Variants in ZNF268 observed in about 807,000 individuals in gnomAD.
ZNF268 encodes zinc finger protein 268, also known as zinc finger protein 3.
In ZNF268, 20 loss-of-function variants were observed where a neutral mutation model predicts 29.3. The ratio of observed to expected loss-of-function variants is 0.68; its 90% CI spans 0.48 to 0.99. The LOEUF (loss-of-function observed/expected upper bound fraction) is 0.99. ZNF268 is among the 50% of genes least tolerant of loss of function. ZNF268 has a pLI of 0.00. For missense variants in ZNF268, 1,240 were observed against 1,121.6 expected (o/e 1.11, Z -1.51); for synonymous variants, 429 against 376.9 (o/e 1.14, Z -1.60).
rs1190261073 is a variant in ZNF268 at position 133,208,003 on chromosome 12, C to G, written c.*3473C>G. The G allele has an allele frequency of 6.6e-6, 1 of 152,178 alleles. No homozygotes were observed. The highest frequency in any genetic ancestry group is 1.5e-5 in the Non-Finnish European group (1 of 68,020). The allele number at this position is 152,178 out of a possible 1,614,324, so 9.4% of individuals were successfully genotyped here. ...TGTAACTTGGTAGGGAATATATGTT[C>G]TGAAAACACAAATGTCATACTTAAT... On this transcript the variant is annotated 3_prime_UTR_variant, in exon 6 of 6. Coordinates refer to ENST00000536435, the MANE Select transcript of ZNF268 (RefSeq NM_003415.3).
chr12:133,202,799 G>C lies in ZNF268; in HGVS notation c.1113G>C (p.Arg371Ser). Residue 371 changes from arginine (R) to serine (S), a missense_variant, in exon 6 of 6, where the codon AGG becomes AGC. Coordinates refer to ENST00000536435, the MANE Select transcript of ZNF268 (RefSeq NM_003415.3). ...ECCECGKVFSRKDQLVSHQKT... is the reference protein window; with the variant it reads ...ECCECGKVFSSKDQLVSHQKT... Reference sequence around the variant, plus strand: ...GTGAATGTGGGAAAGTCTTCAGTAGGAAAGACCAGCTTGTTTCACACCAGA... The same window carrying C: ...GTGAATGTGGGAAAGTCTTCAGTAGCAAAGACCAGCTTGTTTCACACCAGA... 6.2e-7 allele frequency: 1 copy of C among 1,608,208 alleles called. No homozygotes were observed. Among genetic ancestry groups the C allele is most frequent in the Non-Finnish European group, 8.5e-7 (1 of 1,178,764 alleles).
intron 5 of ZNF268, among the ~76,000 whole-genome samples, chr12:133,195,353 G>A (rs1204230923): frequency 1.3e-5 from 2 of 152,154 alleles, no homozygotes; most frequent in Non-Finnish European, 2.9e-5. Context: ...CTCGAATCAT[G>A]TTTAAATAAT....
chr12:133,192,985 C>G (rs1956511906), intron 5 of ZNF268, among the ~76,000 whole-genome samples: 1 of 152,286 alleles, frequency 6.6e-6, no homozygotes, highest in African/African-American at 2.4e-5. Context: ...CATTATCACT[C>G]TATACCTTCT....
At chr12:133,194,084 C>T (rs1956540355) in intron 5 of ZNF268, among the ~76,000 whole-genome samples, 1 of 152,132 alleles carries the variant, frequency 6.6e-6, no homozygotes, top group South Asian at 2.1e-4. Flanking sequence ...CCACTCAAAA[C>T]GAGGCCAGTA....
In ZNF268 at chr12:133,203,845, G is replaced by A; in HGVS notation, c.2159G>A (p.Gly720Glu). Residue 720 changes from glycine to glutamate, a missense_variant, in exon 6 of 6, where the codon GGA becomes GAA. By Grantham distance (98) the Gly-to-Glu change is moderately conservative (BLOSUM62 -2). This residue lies in a region of ZNF268 where 1,177 missense variants were observed against 1,039.6 expected (regional missense o/e 1.13). Coordinates refer to ENST00000536435, the MANE Select transcript of ZNF268 (RefSeq NM_003415.3). ...ATTATACATATGAGAACTCATACAG[G>A]AGAGAAACCACATGAGTGCAGGGAA... ...YLIIHMRTHTGEKPHECRECG... is the reference protein window; with the variant it reads ...YLIIHMRTHTEEKPHECRECG... 6.4e-7 allele frequency: 1 copy of A among 1,565,864 alleles called. No individual in the cohort carries two copies. Among genetic ancestry groups the A allele is most frequent in the South Asian group, 1.2e-5 (1 of 86,900 alleles).
chr12:133,204,497 G>A lies in ZNF268; in HGVS notation c.2811G>A (p.Met937Ile). ...KAFCWKSQLI[M>I]HQRTHVDDKH ...TTTGTTGGAAGTCACAGCTCATTAT[G>A]CATCAGAGAACTCATGTAGATGACA... Residue 937 changes from methionine (M) to isoleucine (I), a missense_variant, in exon 6 of 6, where the codon ATG (methionine) becomes ATA (isoleucine). Physicochemically the swap from Met to Ile is conservative, Grantham distance 10. Coordinates refer to ENST00000536435, the MANE Select transcript of ZNF268 (RefSeq NM_003415.3). 6.5e-7 allele frequency: 1 copy of A among 1,531,988 alleles called. No individual in the cohort carries two copies. Among genetic ancestry groups the A allele is most frequent in the Non-Finnish European group, 8.7e-7 (1 of 1,145,388 alleles). 94.9% of individuals were successfully genotyped at this position (1,531,988 alleles called of 1,614,324 possible). A position where few individuals can be genotyped will look rare whatever the true frequency, so the allele number is the denominator to read the frequency against.
chr12:133,212,467 A>ATG lies in ZNF268; in HGVS notation c.*7938_*7939insGT, dbSNP rs1159755612. Reference sequence around the variant, plus strand: ...ATTTTATATATATATATATATATATATATATATATATATATATATATATAT... The same window carrying ATG: ...ATTTTATATATATATATATATATATATGTATATATATATATATATATATATAT... On this transcript the variant is annotated 3_prime_UTR_variant, in exon 6 of 6. Coordinates refer to ENST00000536435, the MANE Select transcript of ZNF268 (RefSeq NM_003415.3). 1.8e-3 allele frequency: 14 copies of ATG among 7,740 alleles called. No individual in the cohort carries two copies. Among genetic ancestry groups the ATG allele is most frequent in the Admixed American group, 6.3e-3 (4 of 632 alleles). The allele number at this position is 7,740 out of a possible 1,614,324, so 0.5% of individuals were successfully genotyped here.
Position 133,212,493 on chromosome 12 carries a change from A to G in ZNF268, c.*7963A>G, listed in dbSNP as rs1431818236. 8.5e-4 allele frequency: 18 copies of G among 21,104 alleles called. No individual in the cohort carries two copies. Among genetic ancestry groups the G allele is most frequent in the African/African-American group, 5.8e-3 (15 of 2,586 alleles). 1.3% of individuals were successfully genotyped at this position (21,104 alleles called of 1,614,324 possible). ...TATATATATATATATATATATATAT[A>G]TATATGTATATATACACACACACAT... On this transcript the variant is annotated 3_prime_UTR_variant, in exon 6 of 6. Coordinates refer to ENST00000536435, the MANE Select transcript of ZNF268 (RefSeq NM_003415.3).
chr12:133,213,844 C>T lies in ZNF268; in HGVS notation c.*9314C>T, dbSNP rs1171522675. On this transcript the variant is annotated 3_prime_UTR_variant, in exon 6 of 6. Transcript: ENST00000536435. ...GAAACCCTGTCTCTACAAAAAAATA[C>T]AAAAAATTAGCCAGGCTGGTAGTGG... 1 of 151,890 alleles carries T rather than the reference C, an allele frequency of 6.6e-6. No individual in the cohort carries two copies. The highest frequency in any genetic ancestry group is 1.5e-5 in the Non-Finnish European group (1 of 68,002). The allele number at this position is 151,890 out of a possible 1,614,324, so 9.4% of individuals were successfully genotyped here. A position where few individuals can be genotyped will look rare whatever the true frequency, so the allele number is the denominator to read the frequency against.
At position 133,204,675 on chromosome 12, in the gene ZNF268, G is replaced by A. The variant is rs1479913335; in HGVS notation, c.*145G>A. 5 of 596,536 alleles carry A rather than the reference G, an allele frequency of 8.4e-6. No individual in the cohort carries two copies. The highest frequency in any genetic ancestry group is 1.1e-5 in the Non-Finnish European group (4 of 362,502). 37.0% of individuals were successfully genotyped at this position (596,536 alleles called of 1,614,324 possible). On this transcript the variant is annotated 3_prime_UTR_variant, in exon 6 of 6. Transcript: ENST00000536435. ...TTTATGAATGCACAGCATATGGAAA[G>A]GCATCCACAGAAAGCTGTTCTTTAC...
intron 1 of ZNF268, 73 bp from the exon 2 acceptor site, chr12:133,181,873 T>G (rs1593861922): frequency 1.0e-6 from 1 of 983,898 alleles, no homozygotes; most frequent in East Asian, 2.6e-5. Flanking sequence ...GCAGCCCTGG[T>G]GCCTCGGACC....
chr12:133,188,114 C>CT (rs1203277967), intron 3 of ZNF268, 42 bp downstream of exon 3: 2 of 1,429,140 alleles, frequency 1.4e-6, no homozygotes, highest in South Asian at 1.3e-5. Flanking sequence ...TTCTTTATTA[C>CT]CTTTTTTTTT....
At position 133,202,994 on chromosome 12, in the gene ZNF268, A is replaced by C. The variant is rs1233978270; in HGVS notation, c.1308A>C (p.Arg436Ser). Residue 436 changes from arginine to serine, a missense_variant, in exon 6 of 6, where the codon AGA becomes AGC. Physicochemically the swap from Arg to Ser is moderately radical, Grantham distance 110. Coordinates refer to ENST00000536435, the MANE Select transcript of ZNF268 (RefSeq NM_003415.3). ...AGTCAAACCTTATGGTACATCAGAG[A>C]ACCCATACAGGGGAGAAACCTTATG... ...NTKSNLMVHQ[R>S]THTGEKPYVC... The C allele has an allele frequency of 6.5e-7, 1 of 1,549,036 alleles. No homozygotes were observed. The highest frequency in any genetic ancestry group is 1.9e-5 in the Admixed American group (1 of 51,720).
intron 3 of ZNF268, 187 bp downstream of exon 3, chr12:133,188,259 C>CA: frequency 1.7e-6 from 1 of 579,186 alleles, no homozygotes; most frequent in Non-Finnish European, 3.0e-6. Flanking sequence ...CGCAGTGGTG[C>CA]AATCATAACT....
intron 5 of ZNF268, among the ~76,000 whole-genome samples, chr12:133,197,452 G>C (rs1418277956): frequency 6.6e-6 from 1 of 151,676 alleles, no homozygotes; most frequent in African/African-American, 2.4e-5. Flanking sequence ...GGACATTTGG[G>C]TTGGTTCCAA....
At position 133,203,856 on chromosome 12, in the gene ZNF268, C is replaced by T; in HGVS notation, c.2170C>T (p.His724Tyr). 6.4e-7 allele frequency: 1 copy of T among 1,567,338 alleles called. No individual in the cohort carries two copies. Among genetic ancestry groups the T allele is most frequent in the South Asian group, 1.1e-5 (1 of 87,000 alleles). The change falls in exon 6 of 6, where the codon CAT becomes TAT. Residue 724 changes from histidine to tyrosine, a missense_variant. By Grantham distance (83) the His-to-Tyr change is moderately conservative. Transcript: ENST00000536435. ...GAGAACTCATACAGGAGAGAAACCA[C>T]ATGAGTGCAGGGAATGCGGGAAATC... ...HMRTHTGEKP[H>Y]ECRECGKSFS...
chr12:133,193,578 G>C, intron 5 of ZNF268: 1 of 614,146 alleles, frequency 1.6e-6, no homozygotes, highest in South Asian at 1.9e-5. Context: ...AAAGGCCTAA[G>C]ATCATTCCCT....
At position 133,208,403 on chromosome 12, in the gene ZNF268, G is replaced by A. The variant is rs1566395079; in HGVS notation, c.*3873G>A. ...CCCATCTACTCGGGAGGCTGAGGCA[G>A]AAGAATTGCTTGAACCTAGGAGGTG... On this transcript the variant is annotated 3_prime_UTR_variant, in exon 6 of 6. Transcript: ENST00000536435. The A allele has an allele frequency of 6.6e-6, 1 of 152,408 alleles. No individual in the cohort carries two copies. The highest frequency in any genetic ancestry group is 1.9e-4 in the East Asian group (1 of 5,186). 9.4% of individuals were successfully genotyped at this position (152,408 alleles called of 1,614,324 possible).
chr12:133,191,972 G>A lies in ZNF268; in HGVS notation c.426G>A (p.Val142=). The change falls in exon 5 of 6, where the codon GTG becomes GTA. Residue 142 remains valine (V), a synonymous_variant. Coordinates refer to ENST00000536435, the MANE Select transcript of ZNF268 (RefSeq NM_003415.3). ...AACAAGGAGAAGAGCTGTGTATGGT[G>A]CAGGCCCAAGTTCCAAATCAGACCT... ...KLEQGEELCM[V]QAQVPNQTCP... is the part of the protein sequence containing the mutation. The A allele has an allele frequency of 6.2e-7, 1 of 1,613,908 alleles. No homozygotes were observed. The highest frequency in any genetic ancestry group is 8.5e-7 in the Non-Finnish European group (1 of 1,179,800).
Sources: allele counts gnomAD v4.1 joint callset (sites outside exome capture counted in the v4.1 genomes callset), GRCh38; gene constraint gnomAD v4.1.1; regional missense constraint gnomAD v4.1.1; transcripts MANE v1.5; gene names NCBI Gene and HGNC (gene_info 2026-07-23, HGNC 2026-07-21).